Variants in BLOC1S5 observed in about 807,000 individuals in gnomAD.
BLOC1S5 encodes biogenesis of lysosomal organelles complex 1 subunit 5, also known as biogenesis of lysosome-related organelles complex 1 subunit 5.
A neutral mutation model predicts 24.3 loss-of-function variants in BLOC1S5; 27 were observed. The observed-to-expected ratio is 1.11, with a 90% confidence interval of 0.82 to 1.53. The LOEUF (loss-of-function observed/expected upper bound fraction) is 1.53, where lower values mean the gene tolerates loss of function less well. Among genes scored for constraint, BLOC1S5 ranks in the 40% most tolerant of loss-of-function variants. The pLI is 0.00. For missense variants in BLOC1S5, 239 were observed against 229.4 expected, an observed-to-expected ratio of 1.04 and a Z score of -0.27; for synonymous variants, 84 against 74.5, an observed-to-expected ratio of 1.13 and a Z score of -0.66.
intron 4 of BLOC1S5, among the ~76,000 whole-genome samples, chr6:8,019,411 G>A (rs1040535890): frequency 4.0e-5 from 6 of 151,884 alleles, no homozygotes; most frequent in African/African-American, 2.4e-5. Context: ...TGGGATTACA[G>A]GCAACCACCA....
rs1057231266 is a variant in BLOC1S5 at position 8,035,860 on chromosome 6, G to C, written c.325+5279C>G. On this transcript the variant is annotated intron_variant, in intron 3 of 4. Coordinates refer to ENST00000397457, the MANE Select transcript of BLOC1S5 (RefSeq NM_201280.3). ...AAAATCAACAGAGAAACATTGGAGAGTTCAACTACAAACTCGACCAGGCCT... is the reference window on the plus strand; with the variant it reads ...AAAATCAACAGAGAAACATTGGAGACTTCAACTACAAACTCGACCAGGCCT... 4.6e-5 allele frequency among the ~76,000 whole-genome samples: 7 copies of C among 152,044 alleles called. No individual in the cohort carries two copies. In the South Asian group the frequency reaches 6.2e-4, roughly 13 times the overall value.
At chr6:8,048,453 T>C (rs1344025815) in intron 2 of BLOC1S5, among the ~76,000 whole-genome samples, 1 of 151,898 alleles carries the variant, frequency 6.6e-6, no homozygotes, top group African/African-American at 2.4e-5. Context: ...AAAATAGATA[T>C]ATCTTGAGTT....
intron 3 of BLOC1S5, among the ~76,000 whole-genome samples, chr6:8,027,832 A>G (rs928189701): frequency 3.3e-5 from 5 of 151,994 alleles, no homozygotes; most frequent in Non-Finnish European, 5.9e-5. Context: ...CAAAAAAAAA[A>G]AAAAAAATAC....
intron 2 of BLOC1S5, among the ~76,000 whole-genome samples, chr6:8,061,028 A>G (rs1447744157): frequency 6.6e-6 from 1 of 152,088 alleles, no homozygotes; most frequent in Non-Finnish European, 1.5e-5. Context: ...GAGTTTTGCC[A>G]TGTTGGCCAG....
rs1168611266 is a variant in BLOC1S5, at chr6:8,014,905, G to A, written c.*744C>T. On this transcript the variant is annotated 3_prime_UTR_variant, in exon 5 of 5. Transcript: ENST00000397457. ...ACTATGGGCAAGATTATAGCTCTTG[G>A]AAAAACTAAATGTCAAAATATATTT... 2.6e-5 allele frequency: 4 copies of A among 152,614 alleles called. No individual in the cohort carries two copies. The highest frequency in any genetic ancestry group is 4.4e-5 in the Non-Finnish European group (3 of 68,020). 9.5% of individuals were successfully genotyped at this position (152,614 alleles called of 1,614,324 possible).
Position 8,015,472 on chromosome 6 carries a change from G to T in BLOC1S5, c.*177C>A. ...AGGCACTTAAAGCTGGAAAAATGTG[G>T]CACCCTTCTTTAAATATCCAATCAG... On this transcript the variant is annotated 3_prime_UTR_variant, in exon 5 of 5. Coordinates refer to ENST00000397457, the MANE Select transcript of BLOC1S5 (RefSeq NM_201280.3). The T allele has an allele frequency of 1.7e-6, 1 of 593,088 alleles. No individual in the cohort carries two copies. Among genetic ancestry groups the T allele is most frequent in the Non-Finnish European group, 2.8e-6 (1 of 357,528 alleles). 36.7% of individuals were successfully genotyped at this position (593,088 alleles called of 1,614,324 possible).
intron 4 of BLOC1S5, among the ~76,000 whole-genome samples, chr6:8,024,258 G>A (rs12205018): frequency 0.16 from 23,752 of 151,862 alleles, 1,934 homozygotes; most frequent in Admixed American, 0.19. Flanking sequence ...AGACACAGTG[G>A]CTCACGCCTG....
intron 2 of BLOC1S5, among the ~76,000 whole-genome samples, chr6:8,058,782 G>A (rs144744043): frequency 1.3e-5 from 2 of 152,286 alleles, no homozygotes; most frequent in African/African-American, 4.8e-5. Context: ...AAAAGCTGAC[G>A]TTATAGGGCC....
chr6:8,029,088 A>G (rs759014872), intron 3 of BLOC1S5, among the ~76,000 whole-genome samples: 20 of 152,220 alleles, frequency 1.3e-4, no homozygotes, highest in Non-Finnish European at 2.6e-4. Flanking sequence ...AAAGAAACAA[A>G]TTCATTCTAT....
intron 2 of BLOC1S5, among the ~76,000 whole-genome samples, chr6:8,059,356 C>A (rs1420893314): frequency 1.3e-5 from 2 of 152,246 alleles, no homozygotes; most frequent in African/African-American, 4.8e-5. Context: ...TACTTACTCC[C>A]TTCTTTTACA....
At chr6:8,026,341 G>A (rs777951809) in intron 4 of BLOC1S5, 26 bp downstream of exon 4, 20 of 1,533,162 alleles carry the variant, frequency 1.3e-5, no homozygotes, top group Middle Eastern at 1.7e-4. Flanking sequence ...AGAATTATAT[G>A]CCTCATTATC....
intron 2 of BLOC1S5, among the ~76,000 whole-genome samples, chr6:8,049,787 T>G (rs992035271): frequency 1.3e-5 from 2 of 152,032 alleles, no homozygotes; most frequent in Non-Finnish European, 2.9e-5. Flanking sequence ...TTCTGGCTCA[T>G]TGCAACCTCC....
intron 3 of BLOC1S5, among the ~76,000 whole-genome samples, chr6:8,027,007 A>G (rs1387844235): frequency 6.6e-6 from 1 of 152,218 alleles, no homozygotes; most frequent in East Asian, 1.9e-4. Context: ...TGACGCTGTC[A>G]ATCAAGGAGG....
intron 2 of BLOC1S5, among the ~76,000 whole-genome samples, chr6:8,053,010 T>C (rs891674293): frequency 6.6e-6 from 1 of 152,180 alleles, no homozygotes; most frequent in African/African-American, 2.4e-5. Flanking sequence ...TGCAGTTCCT[T>C]GAGATGGAAT....
Position 8,015,475 on chromosome 6 carries a change from C to A in BLOC1S5, c.*174G>T. ...CACTTAAAGCTGGAAAAATGTGGCA[C>A]CCTTCTTTAAATATCCAATCAGAAT... On this transcript the variant is annotated 3_prime_UTR_variant, in exon 5 of 5. Transcript: ENST00000397457. 1.6e-6 allele frequency: 1 copy of A among 610,684 alleles called. No homozygotes were observed. The highest frequency in any genetic ancestry group is 2.7e-6 in the Non-Finnish European group (1 of 372,216). 37.8% of individuals were successfully genotyped at this position (610,684 alleles called of 1,614,324 possible).
chr6:8,053,694 A>G (rs1054006028), intron 2 of BLOC1S5, among the ~76,000 whole-genome samples: 2 of 152,236 alleles, frequency 1.3e-5, no homozygotes, highest in Admixed American at 6.5e-5. Flanking sequence ...AATATTTCTG[A>G]AATATACCAA....
At chr6:8,060,874 G>A (rs1268218107) in intron 2 of BLOC1S5, among the ~76,000 whole-genome samples, 2 of 151,976 alleles carry the variant, frequency 1.3e-5, no homozygotes, top group Non-Finnish European at 2.9e-5. Flanking sequence ...GCCAGGGCTG[G>A]AGTGCAATGG....
At chr6:8,019,129 G>A (rs564046210) in intron 4 of BLOC1S5, among the ~76,000 whole-genome samples, 169 of 152,356 alleles carry the variant, frequency 1.1e-3, no homozygotes, top group Non-Finnish European at 2.0e-3. Context: ...TGTAGGCCGA[G>A]TGAAAATAAG....
At chr6:8,061,551 G>A (rs1353856251) in intron 2 of BLOC1S5, among the ~76,000 whole-genome samples, 1 of 152,142 alleles carries the variant, frequency 6.6e-6, no homozygotes, top group African/African-American at 2.4e-5. Context: ...ATGAGTCACA[G>A]CATCTTTTGC....
Sources: gnomAD v4.1 joint callset for allele counts (sites outside exome capture counted in the v4.1 genomes callset) on GRCh38, gnomAD v4.1.1 for gene constraint, MANE v1.5 for transcripts, NCBI Gene and HGNC (gene_info 2026-07-23, HGNC 2026-07-21) for gene names.